Variants in ROBO2 observed in about 807,000 individuals in gnomAD.
The protein encoded by ROBO2 is roundabout homolog 2.
In ROBO2, 53 loss-of-function variants were observed where a neutral mutation model predicts 160.8. The ratio of observed to expected loss-of-function variants is 0.33; its 90% confidence interval spans 0.26 to 0.41. ROBO2 has a LOEUF of 0.41. Among genes scored for constraint, ROBO2 ranks in the 10% least tolerant of loss-of-function variants. The probability of loss-of-function intolerance (pLI) is 1.00; values close to 1 mark genes in which losing one functional copy is unlikely to be tolerated. For missense variants in ROBO2, 1,577 were observed against 1,722.4 expected (o/e 0.92, Z 1.49); for synonymous variants, 664 against 611.7 (o/e 1.09, Z -1.26).
intron 2 of ROBO2, among the ~76,000 whole-genome samples, chr3:76,321,105 T>C (rs564941060): frequency 6.6e-6 from 1 of 152,256 alleles, no homozygotes; most frequent in African/African-American, 2.4e-5. Flanking sequence ...GAAAAATATA[T>C]TGTACAATGC....
intron 2 of ROBO2, among the ~76,000 whole-genome samples, chr3:76,899,171 A>G (rs1055514577): frequency 6.6e-6 from 1 of 152,146 alleles, no homozygotes; most frequent in African/African-American, 2.4e-5. Flanking sequence ...TTATTTTTCA[A>G]GGTAATGGGG....
intron 2 of ROBO2, among the ~76,000 whole-genome samples, chr3:76,732,388 T>A (rs1013904163): frequency 2.0e-5 from 3 of 152,070 alleles, no homozygotes; most frequent in Admixed American, 6.6e-5. Context: ...TCTAGGGGAA[T>A]TATTGGAGGC....
intron 15 of ROBO2, among the ~76,000 whole-genome samples, chr3:77,577,858 G>C (rs2093809404): frequency 6.6e-6 from 1 of 152,116 alleles, no homozygotes; most frequent in Non-Finnish European, 1.5e-5. Flanking sequence ...TTTCTGTATA[G>C]TGTGACTCTA....
intron 2 of ROBO2, among the ~76,000 whole-genome samples, chr3:75,963,802 T>C (rs1949009716): frequency 6.6e-6 from 1 of 151,756 alleles, no homozygotes; most frequent in South Asian, 2.1e-4. Context: ...TGTAGGTGGT[T>C]GCCTTCTCAC....
chr3:76,081,763 A>T (rs1156524493), intron 2 of ROBO2, among the ~76,000 whole-genome samples: 1 of 151,964 alleles, frequency 6.6e-6, no homozygotes, highest in Non-Finnish European at 1.5e-5. Flanking sequence ...GGTATGCTAA[A>T]CTATCATGGT....
chr3:77,481,707 C>T (rs1346304089), intron 4 of ROBO2, among the ~76,000 whole-genome samples: 1 of 152,104 alleles, frequency 6.6e-6, no homozygotes, highest in Admixed American at 6.6e-5. Flanking sequence ...AATTCAAAAT[C>T]AGAAAATGGA....
At chr3:76,447,278 AAC>A (rs1205438333) in intron 2 of ROBO2, among the ~76,000 whole-genome samples, 1 of 152,174 alleles carries the variant, frequency 6.6e-6, no homozygotes, top group Non-Finnish European at 1.5e-5. Flanking sequence ...GCAGCCAAAA[AAC>A]ACATGAAAAA....
chr3:76,300,509 T>C (rs920278357), intron 2 of ROBO2, among the ~76,000 whole-genome samples: 1 of 151,958 alleles, frequency 6.6e-6, no homozygotes, highest in Admixed American at 6.6e-5. Context: ...ATATCACTCA[T>C]CGTCTGGTGA....
chr3:77,425,724 G>C (rs2078136688), intron 2 of ROBO2, among the ~76,000 whole-genome samples: 1 of 151,234 alleles, frequency 6.6e-6, no homozygotes, highest in Non-Finnish European at 1.5e-5. Context: ...GAATGCAGTG[G>C]CATGATCTCG....
intron 2 of ROBO2, among the ~76,000 whole-genome samples, chr3:77,355,132 C>A (rs1468710940): frequency 3.3e-5 from 5 of 152,042 alleles, no homozygotes; most frequent in African/African-American, 1.2e-4. Context: ...CATCCCCATA[C>A]CCTAGGAGCT....
intron 2 of ROBO2, among the ~76,000 whole-genome samples, chr3:76,759,743 C>T (rs755027043): frequency 7.2e-5 from 11 of 151,748 alleles, no homozygotes; most frequent in East Asian, 1.9e-4. Context: ...TTAAGAAACA[C>T]GGGTTCTAGT....
intron 1 of ROBO2, among the ~76,000 whole-genome samples, chr3:75,929,422 T>C (rs1452902626): frequency 6.6e-6 from 1 of 152,128 alleles, no homozygotes. Flanking sequence ...AAGTTCCATA[T>C]TGCTTTGTAA....
intron 2 of ROBO2, among the ~76,000 whole-genome samples, chr3:76,068,015 T>C (rs2068316906): frequency 6.6e-6 from 1 of 152,206 alleles, no homozygotes; most frequent in Non-Finnish European, 1.5e-5. Context: ...TCTTAATATG[T>C]CATGTATTGG....
intron 2 of ROBO2, among the ~76,000 whole-genome samples, chr3:76,448,798 C>T (rs1451405831): frequency 2.0e-5 from 3 of 152,018 alleles, no homozygotes; most frequent in African/African-American, 4.8e-5. Flanking sequence ...CCTAATTATC[C>T]CCCATTTTGC....
Position 76,466,001 on chromosome 3 carries a change from GT to G in ROBO2, c.109+528400del, listed in dbSNP as rs2078342221. ...AAAATATCCTGGATAAAATATGGGT[GT>G]GTGTGTGTGTGTGTGTGTGTGTGTG... On this transcript the variant is annotated intron_variant, in intron 2 of 26. Coordinates refer to the ROBO2 transcript ENST00000487694. Among the ~76,000 whole-genome samples, 35 of 70,236 alleles carry G rather than the reference GT, an allele frequency of 5.0e-4. No individual in the cohort carries two copies. The East Asian group carries it at 8.7e-3, about 18-fold the overall frequency. The allele number at this position is 70,236 out of a possible 152,430, so 46.1% of individuals were successfully genotyped here.
intron 2 of ROBO2, among the ~76,000 whole-genome samples, chr3:76,260,312 TG>T (rs1372489444): frequency 2.0e-5 from 3 of 152,086 alleles, no homozygotes; most frequent in Non-Finnish European, 2.9e-5. Context: ...TTGTTTAGTA[TG>T]GGAGGTAATG....
chr3:77,152,761 C>G (rs1321761636), intron 2 of ROBO2, among the ~76,000 whole-genome samples: 8 of 152,200 alleles, frequency 5.3e-5, no homozygotes, highest in Admixed American at 2.0e-4. Flanking sequence ...CTTTTCCAAA[C>G]AGCTTTATTG....
intron 2 of ROBO2, among the ~76,000 whole-genome samples, chr3:76,343,123 T>C (rs1209825366): frequency 3.9e-5 from 6 of 152,082 alleles, no homozygotes; most frequent in Non-Finnish European, 8.8e-5. Context: ...GAAATCTAAC[T>C]TGTGAATTGT....
chr3:77,525,424 T>TAA (rs34783219), intron 6 of ROBO2, among the ~76,000 whole-genome samples: 2,045 of 146,670 alleles, frequency 0.014, 17 homozygotes, highest in Middle Eastern at 0.029. Flanking sequence ...AAATATGCTT[T>TAA]AAAAAAAAAA....
Sources: allele counts gnomAD v4.1 joint callset (sites outside exome capture counted in the v4.1 genomes callset), GRCh38; gene constraint gnomAD v4.1.1; transcripts MANE v1.5; gene names NCBI Gene and HGNC (gene_info 2026-07-23, HGNC 2026-07-21).